Variants in SLC23A2 observed in about 807,000 individuals in gnomAD.
SLC23A2 encodes the protein Na(+)/L-ascorbic acid transporter 2.
Under a neutral mutation model 73.3 loss-of-function variants are expected in SLC23A2, and 36 were observed. The observed-to-expected ratio is 0.49, with a 90% CI of 0.38 to 0.65. SLC23A2 has a LOEUF of 0.65. Among genes scored for constraint, SLC23A2 ranks in the 30% least tolerant of loss-of-function variants. SLC23A2 has a pLI of 0.00. For missense variants in SLC23A2, 507 were observed against 841.6 expected (o/e 0.60, Z 4.92); for synonymous variants, 343 against 327.3 (o/e 1.05, Z -0.52).
intron 1 of SLC23A2, among the ~76,000 whole-genome samples, chr20:4,990,868 C>T (rs1165630498): frequency 6.7e-6 from 1 of 149,018 alleles, no homozygotes; most frequent in Non-Finnish European, 1.5e-5. Context: ...TGTAATTCTA[C>T]ATCGGAGGCT....
intron 2 of SLC23A2, among the ~76,000 whole-genome samples, chr20:4,934,730 G>A (rs1464326293): frequency 6.6e-6 from 1 of 152,110 alleles, no homozygotes; most frequent in Admixed American, 6.6e-5. Context: ...AGGCGTGGTG[G>A]CAGGCGCCTG....
Position 4,856,944 on chromosome 20 carries a change from G to A in SLC23A2, c.*28C>T. The A allele has an allele frequency of 3.4e-6, 5 of 1,463,384 alleles. No homozygotes were observed. Among genetic ancestry groups the A allele is most frequent in the Non-Finnish European group, 4.8e-6 (5 of 1,047,926 alleles). 90.6% of individuals were successfully genotyped at this position (1,463,384 alleles called of 1,614,324 possible). The stretch of plus-strand genomic sequence containing the variant: ...AGGAACTACAGATACATGCCTCACT[G>A]CGGCCAGGCCACAGGGCACAGCAAA... On this transcript the variant is annotated 3_prime_UTR_variant, in exon 17 of 17. Coordinates refer to ENST00000338244, the MANE Select transcript of SLC23A2 (RefSeq NM_005116.6). The surrounding 1 kb of genome is among the most constrained non-coding windows in gnomAD (Gnocchi z 4.6).
chr20:5,002,060 G>T (rs2122385133), upstream of SLC23A2, among the ~76,000 whole-genome samples: 2 of 152,248 alleles, frequency 1.3e-5, no homozygotes, highest in South Asian at 4.1e-4. Context: ...GTCGTGTTAG[G>T]CTAGGGGCGG....
chr20:4,979,215 C>T (rs2087689651), intron 1 of SLC23A2, among the ~76,000 whole-genome samples: 2 of 151,994 alleles, frequency 1.3e-5, no homozygotes. Context: ...ATCGCTTGAA[C>T]CCGGGAGGCG....
intron 6 of SLC23A2, among the ~76,000 whole-genome samples, chr20:4,890,325 T>C (rs1931282730): frequency 6.6e-6 from 1 of 152,110 alleles, no homozygotes; most frequent in Non-Finnish European, 1.5e-5. Context: ...CTTTATTGAA[T>C]CTACCACTAG....
At chr20:4,987,595 T>A (rs1398967970) in intron 1 of SLC23A2, among the ~76,000 whole-genome samples, 3 of 152,176 alleles carry the variant, frequency 2.0e-5, no homozygotes, top group Admixed American at 1.3e-4. Context: ...ACGCCTATAA[T>A]CTCAGCACTT....
chr20:5,004,710 A>G (rs538645175), upstream of SLC23A2, among the ~76,000 whole-genome samples: 1 of 152,256 alleles, frequency 6.6e-6, no homozygotes, highest in Admixed American at 6.5e-5. Context: ...TAATTAATTA[A>G]AAGTTTAGGC....
intron 2 of SLC23A2, among the ~76,000 whole-genome samples, chr20:4,936,443 G>C (rs1253104146): frequency 6.6e-6 from 1 of 152,042 alleles, no homozygotes; most frequent in Non-Finnish European, 1.5e-5. Context: ...ATCAACTTTA[G>C]GGAAAATGAT....
chr20:4,869,497 T>C (rs922959587), intron 12 of SLC23A2: 1 of 158,778 alleles, frequency 6.3e-6, no homozygotes, highest in Non-Finnish European at 1.4e-5. Flanking sequence ...TATATATATA[T>C]ATAGACAGAG....
chr20:4,855,131 T>C lies in SLC23A2; in HGVS notation c.*1841A>G, dbSNP rs1424466755. The C allele has an allele frequency of 1.3e-5, 2 of 152,728 alleles. No individual in the cohort carries two copies. The highest frequency in any genetic ancestry group is 3.9e-4 in the East Asian group (2 of 5,182). 9.5% of individuals were successfully genotyped at this position (152,728 alleles called of 1,614,324 possible). On this transcript the variant is annotated 3_prime_UTR_variant, in exon 17 of 17. Transcript: ENST00000338244. ...TCTAAGTTCTTTACTTAATCTGCAG[T>C]AAGTTTTTGGCAAAACAATGCAGTG...
chr20:4,927,634 A>C (rs919815167), intron 3 of SLC23A2, among the ~76,000 whole-genome samples: 1 of 152,118 alleles, frequency 6.6e-6, no homozygotes. Context: ...CTCCAAACTT[A>C]TGGTTTTCCC....
At position 4,932,611 on chromosome 20, in the gene SLC23A2, T is replaced by G; in HGVS notation, c.-49A>C. ...AGCCGTTGGGGAGAGCAGCTGGAAGTGAAGGCTTATTCAAGCTAGGAGCCC... is the reference window on the plus strand; with the variant it reads ...AGCCGTTGGGGAGAGCAGCTGGAAGGGAAGGCTTATTCAAGCTAGGAGCCC... On this transcript the variant is annotated 5_prime_UTR_variant, in exon 3 of 17. Transcript: ENST00000338244. 4.9e-6 allele frequency: 5 copies of G among 1,013,176 alleles called. No individual in the cohort carries two copies. The highest frequency in any genetic ancestry group is 6.3e-6 in the Non-Finnish European group (4 of 631,980). The allele number at this position is 1,013,176 out of a possible 1,614,324, so 62.8% of individuals were successfully genotyped here.
chr20:4,954,032 A>C (rs558699732), intron 2 of SLC23A2, among the ~76,000 whole-genome samples: 2 of 152,206 alleles, frequency 1.3e-5, no homozygotes, highest in Non-Finnish European at 2.9e-5. Flanking sequence ...AGGAGAAAGG[A>C]TGTCATTTTA....
chr20:4,996,164 A>G (rs2088016619), intron 1 of SLC23A2, among the ~76,000 whole-genome samples: 1 of 152,150 alleles, frequency 6.6e-6, no homozygotes, highest in African/African-American at 2.4e-5. Flanking sequence ...GCCCTATCAC[A>G]TGGGGCTCTC....
intron 2 of SLC23A2, among the ~76,000 whole-genome samples, chr20:4,957,126 G>A (rs2087303342): frequency 1.3e-5 from 2 of 151,832 alleles, no homozygotes; most frequent in African/African-American, 4.8e-5. Context: ...CTTCTTACTG[G>A]CTGCAGGAAC....
At chr20:4,933,856 C>G (rs1160899819) in intron 2 of SLC23A2, among the ~76,000 whole-genome samples, 1 of 152,182 alleles carries the variant, frequency 6.6e-6, no homozygotes, top group Admixed American at 6.5e-5. Flanking sequence ...CCAAGCTGCC[C>G]TGCAAATGTG....
intron 1 of SLC23A2, among the ~76,000 whole-genome samples, chr20:4,989,687 T>C (rs2087894310): frequency 6.6e-6 from 1 of 151,718 alleles, no homozygotes. Context: ...AAAAAAAAAT[T>C]TGCATATGAA....
At chr20:4,939,501 A>G (rs975832504) in intron 2 of SLC23A2, among the ~76,000 whole-genome samples, 2 of 152,262 alleles carry the variant, frequency 1.3e-5, no homozygotes, top group Non-Finnish European at 2.9e-5. Context: ...AGCGAGTTAC[A>G]AAACACATGA....
At chr20:4,930,520 TA>T (rs1568629362) in intron 3 of SLC23A2, among the ~76,000 whole-genome samples, 1 of 152,152 alleles carries the variant, frequency 6.6e-6, no homozygotes. Flanking sequence ...TCAATGTACT[TA>T]AAAAATGCCA....
Sources: gnomAD v4.1 joint callset for allele counts (sites outside exome capture counted in the v4.1 genomes callset) on GRCh38, gnomAD v4.1.1 for gene constraint, Gnocchi (gnomAD v3.1) non-coding constraint, MANE v1.5 for transcripts, NCBI Gene and HGNC (gene_info 2026-07-23, HGNC 2026-07-21) for gene names.